The following CCDC170 variants were observed in gnomAD, a reference collection of about 807,000 sequenced individuals.
CCDC170 encodes the protein coiled-coil domain containing 170.
In CCDC170, 69 loss-of-function variants were observed where a neutral mutation model predicts 72.6. The observed-to-expected ratio is 0.95, with a 90% CI of 0.78 to 1.16. CCDC170 has a LOEUF of 1.16. Among genes scored for constraint, CCDC170 ranks in the 50% most tolerant of loss-of-function variants. CCDC170 has a pLI of 0.00. For missense variants in CCDC170, 852 were observed against 832.5 expected (o/e 1.02, Z -0.29); for synonymous variants, 300 against 303.9 (o/e 0.99, Z 0.13).
chr6:151,554,896 T>A (rs537154546), intron 5 of CCDC170, among the ~76,000 whole-genome samples: 121 of 130,800 alleles, frequency 9.3e-4, no homozygotes, highest in African/African-American at 3.4e-3. Flanking sequence ...TTTTTTTTTG[T>A]GAGACAGAGT....
chr6:151,559,713 C>A (rs1783045266), intron 5 of CCDC170, among the ~76,000 whole-genome samples: 1 of 152,106 alleles, frequency 6.6e-6, no homozygotes, highest in South Asian at 2.1e-4. Flanking sequence ...TGTCTGATTT[C>A]TCTGGCTAGG....
intron 3 of CCDC170, among the ~76,000 whole-genome samples, chr6:151,540,766 C>A (rs1011210248): frequency 6.6e-6 from 1 of 152,034 alleles, no homozygotes; most frequent in African/African-American, 2.4e-5. Context: ...AAAGGCCCAA[C>A]CTCCAAATAT....
intron 1 of CCDC170, among the ~76,000 whole-genome samples, chr6:151,519,079 G>T (rs971622151): frequency 6.6e-6 from 1 of 152,096 alleles, no homozygotes; most frequent in Non-Finnish European, 1.5e-5. Context: ...GCAGAGAATC[G>T]GTCTGACCTC....
rs143455085 is a variant in CCDC170 at position 151,589,376 on chromosome 6, C to T, written c.1293+3287C>T. Among the ~76,000 whole-genome samples, 1,190 of 152,316 alleles carry T rather than the reference C, an allele frequency of 7.8e-3. 13 individuals carry two copies. Among genetic ancestry groups the T allele is most frequent in the Admixed American group, 0.014 (211 of 15,300 alleles). Reference sequence around the variant, plus strand: ...CTAACTGCCTGCTGGACAGCTTCACCTGCATGGTCCGTGAACACCAAAATA... The same window carrying T: ...CTAACTGCCTGCTGGACAGCTTCACTTGCATGGTCCGTGAACACCAAAATA... On this transcript the variant is annotated intron_variant, in intron 7 of 10. Coordinates refer to ENST00000239374, the MANE Select transcript of CCDC170 (RefSeq NM_025059.4).
intron 9 of CCDC170, among the ~76,000 whole-genome samples, chr6:151,609,526 C>G (rs1298206491): frequency 6.6e-6 from 1 of 152,202 alleles, no homozygotes; most frequent in African/African-American, 2.4e-5. Context: ...AGGAAGCAGA[C>G]AGTAGATACA....
chr6:151,573,252 C>G lies in CCDC170; in HGVS notation c.853C>G (p.Gln285Glu), dbSNP rs755388816. ...CTTCCAAGAAAGGCTGCTTGCTGGC[C>G]AGCAGGTCTGGGATGCCTCAAAGCA... is the stretch of plus-strand genomic sequence containing the variant. ...KIFQERLLAG[Q>E]QVWDASKQEV... The change falls in exon 6 of 11, where the codon CAG becomes GAG. Residue 285 changes from glutamine (Q) to glutamate (E), a missense_variant. Gln to Glu is a conservative substitution (Grantham distance 29, BLOSUM62 2). Transcript: ENST00000239374. 9.3e-6 allele frequency: 15 copies of G among 1,614,012 alleles called. No homozygotes were observed. The highest frequency in any genetic ancestry group is 4.0e-5 in the African/African-American group (3 of 74,918).
At chr6:151,504,752 T>C (rs975582724) in intron 1 of CCDC170, among the ~76,000 whole-genome samples, 1 of 151,814 alleles carries the variant, frequency 6.6e-6, no homozygotes. Context: ...GTTGGAAATG[T>C]CAGTCTCTAG....
At position 151,554,872 on chromosome 6, in the gene CCDC170, G is replaced by GTTTT. The variant is rs1173500486; in HGVS notation, c.774+6402_774+6405dup. ...CGTAGCTTGATCTTTTTGGACCTCAGTTTTTTTTTTTTTTTTTTTTTTGTG... is the reference window on the plus strand; with the variant it reads ...CGTAGCTTGATCTTTTTGGACCTCAGTTTTTTTTTTTTTTTTTTTTTTTTTTGTG... On this transcript the variant is annotated intron_variant, in intron 5 of 10. Coordinates refer to ENST00000239374, the MANE Select transcript of CCDC170 (RefSeq NM_025059.4). Among the ~76,000 whole-genome samples, 797 of 102,306 alleles carry GTTTT rather than the reference G, an allele frequency of 7.8e-3. 4 individuals are homozygous for GTTTT. Among genetic ancestry groups the GTTTT allele is most frequent in the East Asian group, 0.029 (73 of 2,512 alleles). 67.1% of individuals were successfully genotyped at this position (102,306 alleles called of 152,430 possible).
chr6:151,611,962 T>G (rs143868807), intron 9 of CCDC170, among the ~76,000 whole-genome samples: 2,460 of 152,220 alleles, frequency 0.016, 31 homozygotes, highest in Non-Finnish European at 0.023. Flanking sequence ...ACCCGCCTTG[T>G]TCTCCCAAAG....
In CCDC170 at chr6:151,499,544, T is replaced by C. The variant is rs1470941814; in HGVS notation, c.57+5359T>C. On this transcript the variant is annotated intron_variant, in intron 1 of 10. Coordinates refer to ENST00000239374, the MANE Select transcript of CCDC170 (RefSeq NM_025059.4). The stretch of plus-strand genomic sequence containing the variant: ...GTATTTGACTATTCTAGGCATGCTG[T>C]ATAAGTGGAATCATACTGTATTTGA... Among the ~76,000 whole-genome samples the C allele has an allele frequency of 6.5e-5, 8 of 123,204 alleles. 2 individuals are homozygous for C. The highest frequency in any genetic ancestry group is 3.2e-4 in the African/African-American group (8 of 25,366). The allele number at this position is 123,204 out of a possible 152,430, so 80.8% of individuals were successfully genotyped here. A position where few individuals can be genotyped will look rare whatever the true frequency, so the allele number is the denominator to read the frequency against.
At chr6:151,532,898 A>C (rs983946735) in intron 1 of CCDC170, among the ~76,000 whole-genome samples, 5 of 152,142 alleles carry the variant, frequency 3.3e-5, no homozygotes, top group African/African-American at 1.2e-4. Flanking sequence ...CCCTGCTGCC[A>C]CTATTTTTTG....
In CCDC170 at chr6:151,586,009, C is replaced by G; in HGVS notation, c.1213C>G (p.Gln405Glu). 6.2e-7 allele frequency: 1 copy of G among 1,614,182 alleles called. No homozygotes were observed. Among genetic ancestry groups the G allele is most frequent in the Non-Finnish European group, 8.5e-7 (1 of 1,180,028 alleles). The part of the protein sequence containing the change: ...QKAENMLETL[Q>E]GQLTHLEAEL... ...AGCAGAGAATATGTTGGAGACTCTT[C>G]AGGGTCAGCTGACACACCTGGAGGC... Residue 405 changes from glutamine (Q) to glutamate (E), a missense_variant, in exon 7 of 11, where the codon CAG becomes GAG. Physicochemically the swap from Gln to Glu is conservative, Grantham distance 29 (BLOSUM62 2). Coordinates refer to ENST00000239374, the MANE Select transcript of CCDC170 (RefSeq NM_025059.4).
At chr6:151,569,691 C>T (rs1776191605) in intron 5 of CCDC170, among the ~76,000 whole-genome samples, 1 of 152,222 alleles carries the variant, frequency 6.6e-6, no homozygotes, top group Admixed American at 6.5e-5. Context: ...CCAGAATCCA[C>T]TCTGATGGCT....
chr6:151,503,365 T>A (rs1241344250), intron 1 of CCDC170, among the ~76,000 whole-genome samples: 1 of 152,130 alleles, frequency 6.6e-6, no homozygotes, highest in Non-Finnish European at 1.5e-5. Flanking sequence ...CCCAAGGAGA[T>A]AACATGCTGA....
At chr6:151,538,442 A>G (rs1343057476) in intron 3 of CCDC170, 141 bp downstream of exon 3, 2 of 838,674 alleles carry the variant, frequency 2.4e-6, no homozygotes, top group Admixed American at 5.4e-5. Flanking sequence ...TTGACCTCAA[A>G]TATCTTTGGA....
intron 5 of CCDC170, among the ~76,000 whole-genome samples, chr6:151,569,462 A>C (rs1201376383): frequency 5.9e-5 from 9 of 152,240 alleles, no homozygotes; most frequent in African/African-American, 2.2e-4. Context: ...TATTAATTAT[A>C]AAAAAATTTT....
At chr6:151,529,647 C>A (rs902269381) in intron 1 of CCDC170, among the ~76,000 whole-genome samples, 21 of 152,074 alleles carry the variant, frequency 1.4e-4, no homozygotes, top group African/African-American at 4.8e-4. Context: ...CAGAGCTAGG[C>A]TCTGTCTCAA....
intron 8 of CCDC170, 66 bp from the exon 9 acceptor site, chr6:151,596,269 G>A (rs1776620028): frequency 6.9e-7 from 1 of 1,440,566 alleles, no homozygotes; most frequent in Non-Finnish European, 9.2e-7. Flanking sequence ...ACATTATCTG[G>A]GTAACTCATT....
chr6:151,545,978 A>G (rs1354345979), intron 4 of CCDC170, among the ~76,000 whole-genome samples: 3 of 151,666 alleles, frequency 2.0e-5, no homozygotes, highest in Admixed American at 2.0e-4. Context: ...AGGTCTCACT[A>G]TATTGCCCGG....
Sources: gnomAD v4.1 joint callset for allele counts (sites outside exome capture counted in the v4.1 genomes callset) on GRCh38, gnomAD v4.1.1 for gene constraint, MANE v1.5 for transcripts, NCBI Gene and HGNC (gene_info 2026-07-23, HGNC 2026-07-21) for gene names.